KRT73: variants seen among roughly 807,000 people sequenced by gnomAD.
KRT73 encodes keratin 73, also known as keratin, type II cytoskeletal 73.
A neutral mutation model predicts 47.2 loss-of-function variants in KRT73; 44 were observed. The ratio of observed to expected loss-of-function variants is 0.93; its 90% CI spans 0.73 to 1.20. KRT73 has a LOEUF of 1.20. Among genes scored for constraint, KRT73 ranks in the 50% most tolerant of loss-of-function variants. KRT73 has a pLI of 0.00. For missense variants in KRT73, 713 were observed against 704.5 expected, an observed-to-expected ratio of 1.01 and a Z score of -0.14; for synonymous variants, 285 against 291.3, an observed-to-expected ratio of 0.98 and a Z score of 0.22.
At chr12:52,626,768 G>T in the KRT73 span, among the ~76,000 whole-genome samples, 2 of 152,148 alleles carry the variant, frequency 1.3e-5, no homozygotes, top group East Asian at 3.9e-4. Context: ...GCTCAAAGCT[G>T]CAGCATGGAG....
At chr12:52,609,548 C>T (rs1477664817) in intron 7 of KRT73, among the ~76,000 whole-genome samples, 3 of 152,224 alleles carry the variant, frequency 2.0e-5, no homozygotes, top group African/African-American at 7.2e-5. Flanking sequence ...TGCAGGGTTT[C>T]TCTTGAACCC....
intron 1 of KRT73, among the ~76,000 whole-genome samples, chr12:52,617,533 T>C (rs1281016315): frequency 6.6e-6 from 1 of 152,028 alleles, no homozygotes; most frequent in Non-Finnish European, 1.5e-5. Context: ...TCATAGGCTG[T>C]GTGTGTTACG....
At chr12:52,615,258 G>C (rs1380822264) in intron 3 of KRT73, 21 bp downstream of exon 3, 2 of 1,608,370 alleles carry the variant, frequency 1.2e-6, no homozygotes, top group Non-Finnish European at 1.7e-6. Context: ...GGACTGAAGG[G>C]AACCCATGCA....
the KRT73 span, among the ~76,000 whole-genome samples, chr12:52,625,720 A>C: frequency 6.6e-6 from 1 of 152,226 alleles, no homozygotes; most frequent in African/African-American, 2.4e-5. Context: ...TAGCCAAAAA[A>C]TGCAAACAAT....
Position 52,613,721 on chromosome 12 carries a change from G to A in KRT73, c.951C>T (p.Ser317=). The A allele has an allele frequency of 6.2e-7, 1 of 1,614,104 alleles. No individual in the cohort carries two copies. Among genetic ancestry groups the A allele is most frequent in the Non-Finnish European group, 8.5e-7 (1 of 1,179,974 alleles). ...RAQYEEIARK[S]KAEAEALYQT... ...GGTACAGGGCCTCGGCCTCGGCCTT[G>A]CTCTTCCGGGCGATCTCCTCATACT... Residue 317 remains serine (S), a synonymous_variant, in exon 5 of 9, where the codon AGC becomes AGT. Coordinates refer to ENST00000305748, the MANE Select transcript of KRT73 (RefSeq NM_175068.3).
At chr12:52,612,137 G>T (rs1592242912) in intron 5 of KRT73, among the ~76,000 whole-genome samples, 1 of 152,190 alleles carries the variant, frequency 6.6e-6, no homozygotes, top group South Asian at 2.1e-4. Flanking sequence ...TATTTTCTGT[G>T]ACTCCCTCCC....
In KRT73 at chr12:52,618,429, G is replaced by A. The variant is rs752711086; in HGVS notation, c.96C>T (p.Tyr32=). 6.2e-7 allele frequency: 1 copy of A among 1,614,130 alleles called. No homozygotes were observed. The highest frequency in any genetic ancestry group is 8.5e-7 in the Non-Finnish European group (1 of 1,180,016). ...AVLSGGSSSS[Y]RAGGKGLSGG... Reference sequence around the variant, plus strand: ...CACTGAGCCCTTTGCCCCCTGCTCGGTAGGAGGATGAGCTGCCCCCTGAGA... The same window carrying A: ...CACTGAGCCCTTTGCCCCCTGCTCGATAGGAGGATGAGCTGCCCCCTGAGA... Residue 32 remains tyrosine, a synonymous_variant, in exon 1 of 9, where the codon TAC becomes TAT. Transcript: ENST00000305748.
chr12:52,624,926 A>T, the KRT73 span, among the ~76,000 whole-genome samples: 1 of 152,154 alleles, frequency 6.6e-6, no homozygotes, highest in African/African-American at 2.4e-5. Flanking sequence ...AAGTAATTAT[A>T]TACAAATAGG....
intron 2 of KRT73, 33 bp from the exon 3 acceptor site, chr12:52,615,372 G>A (rs1565630228): frequency 1.3e-6 from 2 of 1,555,062 alleles, no homozygotes. Context: ...AGCAGAGTGT[G>A]TGTCTGTGTG....
At chr12:52,628,260 G>A in the KRT73 span, among the ~76,000 whole-genome samples, 810 of 152,064 alleles carry the variant, frequency 5.3e-3, 5 homozygotes, top group African/African-American at 0.018. Flanking sequence ...TACTCATTCC[G>A]GCAGAAGGGG....
chr12:52,611,998 G>A (rs1001067997), intron 5 of KRT73, among the ~76,000 whole-genome samples: 1 of 152,174 alleles, frequency 6.6e-6, no homozygotes, highest in Non-Finnish European at 1.5e-5. Context: ...TTCTCCATCC[G>A]ACCCAGAATG....
chr12:52,630,719 G>A, the KRT73 span, among the ~76,000 whole-genome samples: 4 of 152,246 alleles, frequency 2.6e-5, no homozygotes, highest in African/African-American at 9.6e-5. Flanking sequence ...TCTGCCTGAA[G>A]TCTCTGGGTG....
upstream of KRT73, among the ~76,000 whole-genome samples, chr12:52,620,707 C>A (rs1038595813): frequency 6.6e-6 from 1 of 152,180 alleles, no homozygotes; most frequent in Non-Finnish European, 1.5e-5. Context: ...TTCCCCTCCC[C>A]TCCCTGGCCT....
At chr12:52,629,812 A>C in the KRT73 span, among the ~76,000 whole-genome samples, 2 of 152,308 alleles carry the variant, frequency 1.3e-5, no homozygotes, top group African/African-American at 4.8e-5. Context: ...TGGGAATCGC[A>C]TCAACTCCTG....
chr12:52,629,101 C>T, the KRT73 span, among the ~76,000 whole-genome samples: 10 of 152,320 alleles, frequency 6.6e-5, no homozygotes, highest in Admixed American at 5.2e-4. Flanking sequence ...GGACACGAAC[C>T]TGGATGCTGC....
Position 52,618,137 on chromosome 12 carries a change from C to A in KRT73, c.388G>T (p.Ala130Ser). Residue 130 changes from alanine to serine, a missense_variant, in exon 1 of 9, where the codon GCC becomes TCC. Ala to Ser is a moderately conservative substitution (Grantham distance 99). Coordinates refer to ENST00000305748, the MANE Select transcript of KRT73 (RefSeq NM_175068.3). ...ELDPEIQKVR[A>S]QEREQIKVLN... ...ACCTTGATCTGCTCCCGCTCCTGGG[C>A]ACGCACTTTCTGGATTTCAGGGTCC... The A allele has an allele frequency of 6.2e-7, 1 of 1,613,948 alleles. No homozygotes were observed. The highest frequency in any genetic ancestry group is 1.1e-5 in the South Asian group (1 of 91,042).
rs11170202 is a variant in KRT73 at position 52,616,872 on chromosome 12, G to A, written c.448-492C>T. ...GATGTTCAGCTTATCTGGGGTCTCCGGCCCTCCTAAGTTGCTTTCATGTCT... is the reference window on the plus strand; with the variant it reads ...GATGTTCAGCTTATCTGGGGTCTCCAGCCCTCCTAAGTTGCTTTCATGTCT... On this transcript the variant is annotated intron_variant, in intron 1 of 8. Transcript: ENST00000305748. Among the ~76,000 whole-genome samples, 740 of 152,226 alleles carry A rather than the reference G, an allele frequency of 4.9e-3. 9 individuals are homozygous for A. The highest frequency in any genetic ancestry group is 0.015 in the African/African-American group (634 of 41,532).
chr12:52,620,125 T>A (rs1940878836), upstream of KRT73, among the ~76,000 whole-genome samples: 1 of 147,294 alleles, frequency 6.8e-6, no homozygotes, highest in Non-Finnish European at 1.5e-5. Flanking sequence ...TTTTTTTTTT[T>A]TTTTTGAGAT....
chr12:52,616,294 G>A lies in KRT73; in HGVS notation c.534C>T (p.Asn178=). ...TGTAGCCCTCAAGGATGGGCTCCAG[G>A]TTATTCTTGCAGTTGTTCAGGTCCA... ...QQLDLNNCKN[N]LEPILEGYIS... Residue 178 remains asparagine, a synonymous_variant, in exon 2 of 9, where the codon AAC becomes AAT. Coordinates refer to ENST00000305748, the MANE Select transcript of KRT73 (RefSeq NM_175068.3). 6.2e-7 allele frequency: 1 copy of A among 1,614,204 alleles called. No homozygotes were observed. The highest frequency in any genetic ancestry group is 8.5e-7 in the Non-Finnish European group (1 of 1,180,040).
Sources: gnomAD v4.1 joint callset for allele counts (sites outside exome capture counted in the v4.1 genomes callset) on GRCh38, gnomAD v4.1.1 for gene constraint, MANE v1.5 for transcripts, NCBI Gene and HGNC (gene_info 2026-07-23, HGNC 2026-07-21) for gene names.